Variants in UXS1 observed in about 807,000 individuals in gnomAD.
The protein encoded by UXS1 is UDP-glucuronate decarboxylase 1.
Under a neutral mutation model 62.6 loss-of-function variants are expected in UXS1, and 33 were observed. The ratio of observed to expected loss-of-function variants is 0.53; its 90% confidence interval spans 0.40 to 0.70. UXS1 has a LOEUF of 0.70. Among genes scored for constraint, UXS1 ranks in the 30% least tolerant of loss-of-function variants. The pLI is 0.00. For missense variants in UXS1, 434 were observed against 556.3 expected, an observed-to-expected ratio of 0.78 and a Z score of 2.21; for synonymous variants, 213 against 206.8, an observed-to-expected ratio of 1.03 and a Z score of -0.26.
At chr2:106,171,850 A>T (rs1198239138) in intron 1 of UXS1, among the ~76,000 whole-genome samples, 1 of 152,248 alleles carries the variant, frequency 6.6e-6, no homozygotes, top group African/African-American at 2.4e-5. Context: ...AGAAAGTGTG[A>T]TTTAGGGAGA....
chr2:106,112,795 T>G, intron 9 of UXS1, 30 bp from the exon 10 acceptor site: 1 of 1,607,368 alleles, frequency 6.2e-7, no homozygotes, highest in Non-Finnish European at 8.5e-7. Context: ...AGGTCAGGTG[T>G]GCTCCCCTGT....
intron 9 of UXS1, among the ~76,000 whole-genome samples, chr2:106,118,224 T>C (rs1328313077): frequency 4.0e-4 from 2 of 4,964 alleles, no homozygotes; most frequent in South Asian, 6.9e-3. Flanking sequence ...GCTGCTTACT[T>C]TTTTTTTTTT....
intron 1 of UXS1, among the ~76,000 whole-genome samples, chr2:106,193,738 C>T (rs1685085053): frequency 6.6e-6 from 1 of 152,206 alleles, no homozygotes; most frequent in African/African-American, 2.4e-5. Flanking sequence ...CCGACTTAAC[C>T]GACACCGCGG....
At chr2:106,146,564 A>G (rs980120031) in intron 5 of UXS1, among the ~76,000 whole-genome samples, 3 of 152,040 alleles carry the variant, frequency 2.0e-5, no homozygotes, top group South Asian at 2.1e-4. Flanking sequence ...GGATCACTTG[A>G]GATCAGGAGT....
intron 5 of UXS1, among the ~76,000 whole-genome samples, chr2:106,147,148 AAT>A (rs1180810650): frequency 6.6e-6 from 1 of 152,040 alleles, no homozygotes; most frequent in Non-Finnish European, 1.5e-5. Flanking sequence ...CTCATAAATA[AAT>A]AAATATCCTA....
chr2:106,108,278 G>A (rs1290365848), intron 10 of UXS1, among the ~76,000 whole-genome samples: 1 of 152,214 alleles, frequency 6.6e-6, no homozygotes, highest in African/African-American at 2.4e-5. Flanking sequence ...ATGTGAAAAT[G>A]TAAAGTAAAA....
rs1213601542 is a variant in UXS1, at chr2:106,096,829, G to A, written c.1043-8C>T. 6.4e-6 allele frequency: 10 copies of A among 1,571,380 alleles called. No individual in the cohort carries two copies. Among genetic ancestry groups the A allele is most frequent in the Admixed American group, 1.9e-5 (1 of 53,828 alleles). On this transcript the variant is annotated splice_region_variant and splice_polypyrimidine_tract_variant and intron_variant, in intron 13 of 14. Transcript: ENST00000283148. ...GAATTTCACTTCCGCTACCTGAGAT[G>A]TTTAAAGAAAAAAAAGGTAGGAGAG...
intron 1 of UXS1, among the ~76,000 whole-genome samples, chr2:106,171,717 C>G (rs1394942671): frequency 6.6e-6 from 1 of 152,212 alleles, no homozygotes; most frequent in Non-Finnish European, 1.5e-5. Flanking sequence ...GGCAAAATCA[C>G]CATTTCCGTT....
At chr2:106,094,689 G>A (rs745756809) in intron 14 of UXS1, among the ~76,000 whole-genome samples, 38 of 152,302 alleles carry the variant, frequency 2.5e-4, no homozygotes, top group South Asian at 6.2e-4. Context: ...TCTGAGAGGG[G>A]ACCCACGGCA....
At chr2:106,136,832 C>T (rs1174295561) in intron 6 of UXS1, among the ~76,000 whole-genome samples, 1 of 106,784 alleles carries the variant, frequency 9.4e-6, no homozygotes, top group Non-Finnish European at 1.9e-5. Flanking sequence ...TTAGTGGGTG[C>T]AGCGCACCAG....
At chr2:106,186,174 G>A (rs1026343454) in intron 1 of UXS1, among the ~76,000 whole-genome samples, 1 of 152,172 alleles carries the variant, frequency 6.6e-6, no homozygotes, top group African/African-American at 2.4e-5. Flanking sequence ...TGCACTGGCT[G>A]GAGAACAAGA....
chr2:106,142,738 A>G (rs151329737), intron 6 of UXS1, among the ~76,000 whole-genome samples: 117 of 152,344 alleles, frequency 7.7e-4, no homozygotes, highest in Admixed American at 2.5e-3. Flanking sequence ...GCCAAGGTTG[A>G]GGACCCGCTG....
At chr2:106,095,972 T>C (rs183904188) in intron 14 of UXS1, among the ~76,000 whole-genome samples, 116 of 152,272 alleles carry the variant, frequency 7.6e-4, no homozygotes, top group Admixed American at 2.5e-3. Context: ...CCCCCTTCAG[T>C]AGACACACTG....
intron 6 of UXS1, among the ~76,000 whole-genome samples, chr2:106,140,836 C>T (rs1295964938): frequency 6.6e-6 from 1 of 152,156 alleles, no homozygotes; most frequent in Non-Finnish European, 1.5e-5. Flanking sequence ...CTGGTCTTCC[C>T]ACGACACAAT....
At chr2:106,097,159 A>ACGTGC (rs1192781288) in intron 13 of UXS1, 4 of 480,782 alleles carry the variant, frequency 8.3e-6, no homozygotes, top group Admixed American at 6.9e-5. Context: ...ACAAGTGCAG[A>ACGTGC]CGTGCCCACC....
rs540975530 is a variant in UXS1, at chr2:106,177,812, T to C, written c.95-11729A>G. ...ATAAGCCACCCTGTCTGTGGTATTT[T>C]GTTACTGCAGCCTGGGGTAGGACAG... On this transcript the variant is annotated intron_variant, in intron 1 of 14. Coordinates refer to ENST00000283148, the MANE Select transcript of UXS1 (RefSeq NM_001253875.2). Among the ~76,000 whole-genome samples, 20 of 152,316 alleles carry C rather than the reference T, an allele frequency of 1.3e-4. No homozygotes were observed. The South Asian group carries it at 3.9e-3, about 30-fold the overall frequency.
At chr2:106,194,051 G>T in intron 1 of UXS1, 97 bp downstream of exon 1, 1 of 939,562 alleles carries the variant, frequency 1.1e-6, no homozygotes, top group Non-Finnish European at 1.4e-6. Context: ...ACGCGGGGCT[G>T]CAGGGCCGCC....
chr2:106,108,781 C>A (rs1021575395), intron 10 of UXS1, among the ~76,000 whole-genome samples: 16 of 152,108 alleles, frequency 1.1e-4, no homozygotes, highest in Non-Finnish European at 2.4e-4. Flanking sequence ...TAGCAATGTC[C>A]CCAGCCGCTG....
chr2:106,102,357 T>G (rs1334220604), intron 11 of UXS1: 3 of 152,018 alleles, frequency 2.0e-5, no homozygotes, highest in African/African-American at 7.3e-5. Flanking sequence ...ATATTGAAAC[T>G]GGGGGGTGGG....
Sources: allele counts gnomAD v4.1 joint callset (sites outside exome capture counted in the v4.1 genomes callset), GRCh38; gene constraint gnomAD v4.1.1; transcripts MANE v1.5; gene names NCBI Gene and HGNC (gene_info 2026-07-23, HGNC 2026-07-21).